Variants in SNX13 observed in about 807,000 individuals in gnomAD.
SNX13 encodes sorting nexin-13.
Under a neutral mutation model 133.6 loss-of-function variants are expected in SNX13, and 45 were observed. The ratio of observed to expected loss-of-function variants is 0.34; its 90% CI spans 0.27 to 0.43. The LOEUF is 0.43. Ranked by LOEUF, SNX13 falls within the 20% of genes least tolerant of loss-of-function variation. The probability of loss-of-function intolerance (pLI) is 1.00; values close to 1 mark genes in which losing one functional copy is unlikely to be tolerated. For missense variants in SNX13, 1,032 were observed against 1,145.1 expected (o/e 0.90, Z 1.43); for synonymous variants, 414 against 373.9 (o/e 1.11, Z -1.24).
intron 11 of SNX13, among the ~76,000 whole-genome samples, chr7:17,848,801 C>T (rs1264403275): frequency 6.6e-6 from 1 of 152,238 alleles, no homozygotes; most frequent in African/African-American, 2.4e-5. Flanking sequence ...GAGTTGAGAA[C>T]AGCAGGCTGA....
intron 24 of SNX13, among the ~76,000 whole-genome samples, chr7:17,798,346 C>A (rs555263672): frequency 2.0e-5 from 3 of 151,742 alleles, no homozygotes; most frequent in Non-Finnish European, 4.4e-5. Flanking sequence ...TTAGAAAATA[C>A]AACTGAGAAA....
Position 17,874,065 on chromosome 7 carries a change from G to A in SNX13, c.665-449C>T, listed in dbSNP as rs537467529. ...AAAAAAGAGTATGCTCTTCTATTCTGCTGATTTAAGAGAGCTCAACTTACA... is the reference window on the plus strand; with the variant it reads ...AAAAAAGAGTATGCTCTTCTATTCTACTGATTTAAGAGAGCTCAACTTACA... On this transcript the variant is annotated intron_variant, in intron 7 of 25. Transcript: ENST00000428135. 3.3e-5 allele frequency among the ~76,000 whole-genome samples: 5 copies of A among 152,206 alleles called. No individual in the cohort carries two copies. In the East Asian group the frequency reaches 9.6e-4, roughly 29 times the overall value.
intron 17 of SNX13, among the ~76,000 whole-genome samples, chr7:17,824,490 G>T (rs1048547317): frequency 3.3e-5 from 5 of 151,972 alleles, no homozygotes; most frequent in Admixed American, 2.0e-4. Flanking sequence ...CCAATGTAAT[G>T]AATTAGTTCC....
intron 1 of SNX13, among the ~76,000 whole-genome samples, chr7:17,914,641 T>C (rs1164920832): frequency 6.6e-6 from 1 of 152,090 alleles, no homozygotes; most frequent in African/African-American, 2.4e-5. Flanking sequence ...GCTTCATAAG[T>C]GAACAAGAAA....
chr7:17,939,816 A>G (rs565285942), intron 1 of SNX13, among the ~76,000 whole-genome samples: 1 of 152,338 alleles, frequency 6.6e-6, no homozygotes, highest in Admixed American at 6.5e-5. Context: ...AGGGTGGGAA[A>G]CAAACCGGTC....
At chr7:17,937,606 T>C (rs763817099) in intron 1 of SNX13, among the ~76,000 whole-genome samples, 2 of 151,748 alleles carry the variant, frequency 1.3e-5, no homozygotes, top group Non-Finnish European at 2.9e-5. Context: ...TCATTATGTA[T>C]CTATGTACTT....
intron 1 of SNX13, among the ~76,000 whole-genome samples, chr7:17,926,756 C>T (rs1002424126): frequency 2.0e-5 from 3 of 152,026 alleles, no homozygotes. Flanking sequence ...CATGGTGGCA[C>T]GTGCCTGTAG....
intron 2 of SNX13, 125 bp downstream of exon 2, chr7:17,897,209 T>G (rs1583672515): frequency 2.1e-6 from 1 of 470,536 alleles, no homozygotes; most frequent in African/African-American, 2.0e-5. Context: ...TTTTTTAACT[T>G]TAGTAAAAGC....
intron 1 of SNX13, chr7:17,898,188 T>A (rs1196609612): frequency 6.6e-6 from 1 of 151,974 alleles, no homozygotes; most frequent in African/African-American, 2.4e-5. Flanking sequence ...TATGAATAAA[T>A]ACATGTGTTC....
intron 12 of SNX13, among the ~76,000 whole-genome samples, chr7:17,844,443 T>C (rs540274146): frequency 6.9e-4 from 105 of 152,186 alleles, no homozygotes; most frequent in African/African-American, 2.4e-3. Context: ...GACCTGGACC[T>C]GAATAGCTTT....
At position 17,831,841 on chromosome 7, in the gene SNX13, C is replaced by G. The variant is rs187663881; in HGVS notation, c.1598-1794G>C. 3.0e-4 allele frequency: 291 copies of G among 983,524 alleles called. 1 individual carries two copies. In the African/African-American group the frequency reaches 4.7e-3, roughly 16 times the overall value. 60.9% of individuals were successfully genotyped at this position (983,524 alleles called of 1,614,324 possible). On this transcript the variant is annotated intron_variant, in intron 15 of 25. Coordinates refer to ENST00000428135, the MANE Select transcript of SNX13 (RefSeq NM_015132.5). ...AATAATCATATAAAAAGAAGTATAT[C>G]AGAAGCATTACTAGTTGAGAAAGGT... is the stretch of plus-strand genomic sequence containing the variant.
Position 17,834,818 on chromosome 7 carries a change from T to C in SNX13, c.1407A>G (p.Ala469=), listed in dbSNP as rs768870782. The C allele has an allele frequency of 1.5e-5, 24 of 1,610,070 alleles. No homozygotes were observed. Among genetic ancestry groups the C allele is most frequent in the Non-Finnish European group, 2.0e-5 (24 of 1,177,556 alleles). ...TTGGATCTTCATGATTCAAAGTATCTGCTAATTTTGCTACTAAATAGTCAT... is the reference window on the plus strand; with the variant it reads ...TTGGATCTTCATGATTCAAAGTATCCGCTAATTTTGCTACTAAATAGTCAT... The part of the protein sequence containing the change: ...TVDDYLVAKL[A]DTLNHEDPTP... Residue 469 remains alanine, a synonymous_variant, in exon 14 of 26, where the codon GCA becomes GCG. Coordinates refer to ENST00000428135, the MANE Select transcript of SNX13 (RefSeq NM_015132.5).
chr7:17,799,383 T>C (rs144975462), intron 22 of SNX13, among the ~76,000 whole-genome samples: 113 of 151,860 alleles, frequency 7.4e-4, no homozygotes, highest in Middle Eastern at 3.4e-3. Flanking sequence ...TTTAAGGCTA[T>C]AGTTTAACAT....
rs1783555199 is a variant in SNX13 at position 17,791,661 on chromosome 7, G to GA, written c.*2383dup. The GA allele has an allele frequency of 1.3e-5, 2 of 151,988 alleles. No homozygotes were observed. Among genetic ancestry groups the GA allele is most frequent in the Non-Finnish European group, 2.9e-5 (2 of 67,944 alleles). The allele number at this position is 151,988 out of a possible 1,614,324, so 9.4% of individuals were successfully genotyped here. On this transcript the variant is annotated 3_prime_UTR_variant, in exon 26 of 26. Transcript: ENST00000428135. ...AAAAAACATTCAAAATCAAATACCA[G>GA]AAGACATAAAGCCTCTTCATGTATA...
chr7:17,884,126 A>G (rs1441179748), intron 5 of SNX13, among the ~76,000 whole-genome samples: 2 of 152,184 alleles, frequency 1.3e-5, no homozygotes, highest in Non-Finnish European at 2.9e-5. Context: ...AATTATAAAT[A>G]TATAGAAAAT....
rs150541626 is a variant in SNX13 at position 17,885,446 on chromosome 7, A to G, written c.440+4917T>C. On this transcript the variant is annotated intron_variant, in intron 5 of 25. Transcript: ENST00000428135. ...TGAAAGCTGTACAATGCTTAACTAA[A>G]GCTACTGACTTTAAGTGGGTGAACT... is the stretch of plus-strand genomic sequence containing the variant. 7.0e-3 allele frequency among the ~76,000 whole-genome samples: 1,066 copies of G among 152,326 alleles called. 12 individuals are homozygous for G. Among genetic ancestry groups the G allele is most frequent in the Middle Eastern group, 0.02 (6 of 294 alleles).
At chr7:17,805,017 T>A (rs1451588326) in intron 20 of SNX13, among the ~76,000 whole-genome samples, 1 of 152,308 alleles carries the variant, frequency 6.6e-6, no homozygotes, top group South Asian at 2.1e-4. Context: ...CTCCCTGGCT[T>A]AAGCTCAGCC....
At chr7:17,806,413 T>C (rs565738187) in intron 20 of SNX13, among the ~76,000 whole-genome samples, 3 of 152,346 alleles carry the variant, frequency 2.0e-5, no homozygotes, top group Non-Finnish European at 2.9e-5. Context: ...CTTTAATAGC[T>C]ATTTAATTTC....
rs981809294 is a variant in SNX13, at chr7:17,940,430, T to G, written c.-135A>C. On this transcript the variant is annotated 5_prime_UTR_variant, in exon 1 of 26. Coordinates refer to ENST00000428135, the MANE Select transcript of SNX13 (RefSeq NM_015132.5). Reference sequence around the variant, plus strand: ...GTCTTCTCCCGGGCGGCGGTTTTACTCGGCTTCGCTGGCCTCCCCTCGGCC... The same window carrying G: ...GTCTTCTCCCGGGCGGCGGTTTTACGCGGCTTCGCTGGCCTCCCCTCGGCC... 1.4e-5 allele frequency: 14 copies of G among 1,013,318 alleles called. No homozygotes were observed. The African/African-American group carries it at 2.2e-4, about 16-fold the overall frequency. The allele number at this position is 1,013,318 out of a possible 1,614,324, so 62.8% of individuals were successfully genotyped here. A position where few individuals can be genotyped will look rare whatever the true frequency, so the allele number is the denominator to read the frequency against.
Sources: allele counts gnomAD v4.1 joint callset (sites outside exome capture counted in the v4.1 genomes callset), GRCh38; gene constraint gnomAD v4.1.1; transcripts MANE v1.5; gene names NCBI Gene and HGNC (gene_info 2026-07-23, HGNC 2026-07-21).